The following BABAM2 variants were observed in gnomAD, a reference collection of about 807,000 sequenced individuals.
BABAM2 encodes the protein BRISC and BRCA1-A complex member 2.
In BABAM2, 31 loss-of-function variants were observed where a neutral mutation model predicts 54.7. The ratio of observed to expected loss-of-function variants is 0.57; its 90% CI spans 0.43 to 0.77. The LOEUF (loss-of-function observed/expected upper bound fraction) is 0.77, where lower values mean the gene tolerates loss of function less well. Ranked by LOEUF, BABAM2 falls within the 30% of genes least tolerant of loss-of-function variation. BABAM2 has a pLI of 0.00. For missense variants in BABAM2, 364 were observed against 455.8 expected, an observed-to-expected ratio of 0.80 and a Z score of 1.83; for synonymous variants, 167 against 162.9, an observed-to-expected ratio of 1.03 and a Z score of -0.19.
intron 7 of BABAM2, among the ~76,000 whole-genome samples, chr2:28,235,281 A>G (rs1216514371): frequency 2.6e-5 from 4 of 151,534 alleles, no homozygotes; most frequent in African/African-American, 7.3e-5. Context: ...GGTGCAAGCA[A>G]TTTTCCTGCC....
chr2:28,279,866 A>G (rs1183178121), intron 10 of BABAM2, among the ~76,000 whole-genome samples: 1 of 151,644 alleles, frequency 6.6e-6, no homozygotes, highest in Non-Finnish European at 1.5e-5. Context: ...GGGTTTCTCC[A>G]TGTTGGTTAG....
intron 7 of BABAM2, among the ~76,000 whole-genome samples, chr2:28,189,042 A>T (rs1249969563): frequency 1.3e-5 from 2 of 152,102 alleles, no homozygotes; most frequent in Admixed American, 6.5e-5. Context: ...CTCCACTAAA[A>T]ATACAAAAAT....
intron 7 of BABAM2, among the ~76,000 whole-genome samples, chr2:28,183,753 A>T (rs1240507054): frequency 6.6e-6 from 1 of 151,800 alleles, no homozygotes; most frequent in African/African-American, 2.4e-5. Context: ...ACACACACAC[A>T]CACACACACA....
intron 7 of BABAM2, among the ~76,000 whole-genome samples, chr2:28,193,819 T>C (rs1170394172): frequency 1.3e-5 from 2 of 152,106 alleles, no homozygotes; most frequent in Non-Finnish European, 2.9e-5. Context: ...ATTAATTTAG[T>C]CAACAGATGC....
At chr2:28,054,628 G>T (rs898753171) in intron 6 of BABAM2, among the ~76,000 whole-genome samples, 1 of 152,212 alleles carries the variant, frequency 6.6e-6, no homozygotes, top group African/African-American at 2.4e-5. Flanking sequence ...GACACAGTGA[G>T]AAGGCACCAT....
chr2:28,085,107 G>T (rs1283867829), intron 6 of BABAM2, among the ~76,000 whole-genome samples: 2 of 152,106 alleles, frequency 1.3e-5, no homozygotes, highest in African/African-American at 4.8e-5. Context: ...TTTCTAACTT[G>T]AATACAGCTT....
At chr2:28,132,311 T>C in intron 7 of BABAM2, among the ~76,000 whole-genome samples, 1 of 151,964 alleles carries the variant, frequency 6.6e-6, no homozygotes. Flanking sequence ...GCTAATTTTT[T>C]GTATTTTTAG....
At chr2:28,107,698 C>T (rs1667647875) in intron 6 of BABAM2, among the ~76,000 whole-genome samples, 1 of 152,212 alleles carries the variant, frequency 6.6e-6, no homozygotes, top group African/African-American at 2.4e-5. Context: ...AGGTGCACAT[C>T]TCTCTTATCA....
At chr2:28,029,942 A>G (rs2148578881) in intron 5 of BABAM2, among the ~76,000 whole-genome samples, 1 of 152,298 alleles carries the variant, frequency 6.6e-6, no homozygotes, top group Non-Finnish European at 1.5e-5. Flanking sequence ...TTAAATAATC[A>G]ACTTAATTGT....
intron 4 of BABAM2, among the ~76,000 whole-genome samples, chr2:28,008,797 G>T (rs1674161054): frequency 6.6e-6 from 1 of 152,142 alleles, no homozygotes; most frequent in African/African-American, 2.4e-5. Context: ...CTAGGCAGAT[G>T]AAAGGATCAA....
At chr2:27,920,588 A>T (rs1667278835) in intron 2 of BABAM2, among the ~76,000 whole-genome samples, 1 of 152,156 alleles carries the variant, frequency 6.6e-6, no homozygotes, top group Admixed American at 6.6e-5. Flanking sequence ...TTTATTTGAG[A>T]GTCACTTGTT....
At chr2:27,955,235 A>G (rs965812552) in intron 3 of BABAM2, among the ~76,000 whole-genome samples, 1 of 152,152 alleles carries the variant, frequency 6.6e-6, no homozygotes, top group Non-Finnish European at 1.5e-5. Flanking sequence ...CCTCTTTGCA[A>G]CAGATCAGTA....
chr2:28,147,728 C>T (rs1671634907), intron 7 of BABAM2, among the ~76,000 whole-genome samples: 3 of 152,200 alleles, frequency 2.0e-5, no homozygotes, highest in African/African-American at 7.2e-5. Flanking sequence ...CCGTCTCGGC[C>T]TCCCAAAGTG....
chr2:28,112,146 T>C lies in BABAM2; in HGVS notation c.571-17125T>C, dbSNP rs1426618419. Among the ~76,000 whole-genome samples the C allele has an allele frequency of 8.2e-3, 86 of 10,544 alleles. 5 individuals carry two copies. Among genetic ancestry groups the C allele is most frequent in the South Asian group, 0.027 (3 of 112 alleles). 6.9% of individuals were successfully genotyped at this position (10,544 alleles called of 152,430 possible). A position where few individuals can be genotyped will look rare whatever the true frequency, so the allele number is the denominator to read the frequency against. ...CTTTCTTTCTTTCTTTCTTTCTTTC[T>C]TTACCTCCCTCCCTCCCTCCCTCCC... On this transcript the variant is annotated intron_variant, in intron 6 of 11. Transcript: ENST00000379624.
At chr2:28,138,204 T>C (rs1670712063) in intron 7 of BABAM2, among the ~76,000 whole-genome samples, 2 of 152,178 alleles carry the variant, frequency 1.3e-5, no homozygotes, top group South Asian at 2.1e-4. Context: ...AGAAAGTAGA[T>C]GGGAAAATGC....
intron 6 of BABAM2, among the ~76,000 whole-genome samples, chr2:28,126,860 C>T (rs12614761): frequency 1 from 144,066 of 144,742 alleles, 71,702 homozygotes; most frequent in Middle Eastern, 1. Context: ...TGGTATCTCA[C>T]TGTGGTTTTG....
intron 7 of BABAM2, among the ~76,000 whole-genome samples, chr2:28,207,951 G>T (rs565885972): frequency 6.6e-6 from 1 of 152,038 alleles, no homozygotes; most frequent in Admixed American, 6.6e-5. Context: ...AAAAGAGAGA[G>T]AATACATACA....
chr2:28,203,482 T>C (rs1678498260), intron 7 of BABAM2, among the ~76,000 whole-genome samples: 1 of 152,214 alleles, frequency 6.6e-6, no homozygotes, highest in Non-Finnish European at 1.5e-5. Flanking sequence ...ACTGGTTAGT[T>C]GATAGCACAT....
chr2:28,184,542 T>C (rs867688358), intron 7 of BABAM2, among the ~76,000 whole-genome samples: 6 of 144,366 alleles, frequency 4.2e-5, no homozygotes, highest in African/African-American at 1.3e-4. Flanking sequence ...AGTGTTCTCA[T>C]TGTTCAGTTC....
Sources: allele counts gnomAD v4.1 joint callset (sites outside exome capture counted in the v4.1 genomes callset), GRCh38; gene constraint gnomAD v4.1.1; transcripts MANE v1.5; gene names NCBI Gene and HGNC (gene_info 2026-07-23, HGNC 2026-07-21).